The following NRXN3 variants were observed in gnomAD, a reference collection of about 807,000 sequenced individuals.
NRXN3 encodes the protein neurexin 3, also known as neurexin III.
In NRXN3, 32 loss-of-function variants were observed where a neutral mutation model predicts 137.6. The observed-to-expected ratio is 0.23, with a 90% confidence interval of 0.18 to 0.31. The LOEUF (loss-of-function observed/expected upper bound fraction) is 0.31, where lower values mean the gene tolerates loss of function less well. Among genes scored for constraint, NRXN3 ranks in the 10% least tolerant of loss-of-function variants. The pLI, the probability that NRXN3 is intolerant of heterozygous loss-of-function variation, is 1.00. For synonymous variants in NRXN3, 798 were observed against 784.5 expected, an observed-to-expected ratio of 1.02 and a Z score of -0.29; for missense variants, 1,574 against 2,062.5, an observed-to-expected ratio of 0.76 and a Z score of 4.59.
chr14:79,124,325 G>A (rs2056021807), intron 15 of NRXN3, among the ~76,000 whole-genome samples: 1 of 152,208 alleles, frequency 6.6e-6, no homozygotes, highest in South Asian at 2.1e-4. Flanking sequence ...GGAGACGAGA[G>A]AGGATAGGAA....
At chr14:79,801,546 G>GCACACACACACACACACACA (rs1207881557) in intron 19 of NRXN3, among the ~76,000 whole-genome samples, 5 of 151,292 alleles carry the variant, frequency 3.3e-5, no homozygotes, top group African/African-American at 1.2e-4. Flanking sequence ...TGACGTGTGT[G>GCACACACACACACACACACA]CACGCACACA....
chr14:79,561,449 CT>C (rs1290400884), intron 16 of NRXN3, among the ~76,000 whole-genome samples: 8 of 152,116 alleles, frequency 5.3e-5, no homozygotes, highest in Admixed American at 2.6e-4. Context: ...AAATCTGCCA[CT>C]TTTGTAGGTA....
rs189556091 is a variant in NRXN3 at position 79,604,765 on chromosome 14, C to T, written c.3445-59013C>T. 6.7e-3 allele frequency among the ~76,000 whole-genome samples: 1,014 copies of T among 152,196 alleles called. 14 individuals are homozygous for T. The highest frequency in any genetic ancestry group is 0.044 in the Middle Eastern group (13 of 294). On this transcript the variant is annotated intron_variant, in intron 16 of 20. Coordinates refer to ENST00000335750, the MANE Select transcript of NRXN3 (RefSeq NM_001330195.2). The stretch of plus-strand genomic sequence containing the variant: ...CATCATTCAGGGTTGGGTGTGGCGG[C>T]TCATGCCTATAATCCCAGCACTTTG...
At chr14:78,196,059 T>C (rs1353346217) in intron 1 of NRXN3, among the ~76,000 whole-genome samples, 1 of 152,194 alleles carries the variant, frequency 6.6e-6, no homozygotes, top group Non-Finnish European at 1.5e-5. Context: ...GATAGATTCG[T>C]TTCCCATGGG....
chr14:78,926,907 AT>A (rs1482784716), intron 10 of NRXN3, among the ~76,000 whole-genome samples: 1 of 34,602 alleles, frequency 2.9e-5, no homozygotes, highest in Non-Finnish European at 4.1e-5. Context: ...TATAATATAT[AT>A]AATATATATA....
At chr14:78,371,743 G>A (rs767068025) in intron 4 of NRXN3, among the ~76,000 whole-genome samples, 6 of 152,348 alleles carry the variant, frequency 3.9e-5, no homozygotes, top group Non-Finnish European at 2.9e-5. Context: ...CTGCTGTAGC[G>A]AAGTGGCGAG....
At chr14:79,003,916 G>A (rs1299681040) in intron 15 of NRXN3, among the ~76,000 whole-genome samples, 1 of 152,172 alleles carries the variant, frequency 6.6e-6, no homozygotes, top group African/African-American at 2.4e-5. Flanking sequence ...GAAGCTGATA[G>A]TATTGAAGGA....
chr14:78,321,715 G>A (rs2079392229), intron 4 of NRXN3, among the ~76,000 whole-genome samples: 2 of 152,020 alleles, frequency 1.3e-5, no homozygotes, highest in South Asian at 2.1e-4. Context: ...TCCTTTCACA[G>A]TTTTGAAGTT....
intron 2 of NRXN3, among the ~76,000 whole-genome samples, chr14:78,246,955 A>G (rs541916563): frequency 6.6e-6 from 1 of 152,192 alleles, no homozygotes; most frequent in Non-Finnish European, 1.5e-5. Context: ...TCTTGTCTCA[A>G]TTTGCAGTCT....
intron 19 of NRXN3, among the ~76,000 whole-genome samples, chr14:79,791,865 C>T (rs2099146435): frequency 6.6e-6 from 1 of 152,154 alleles, no homozygotes; most frequent in South Asian, 2.1e-4. Context: ...CTTGGTTAGG[C>T]CGGTCACATT....
At chr14:79,095,889 A>G (rs971534806) in intron 15 of NRXN3, among the ~76,000 whole-genome samples, 4 of 152,180 alleles carry the variant, frequency 2.6e-5, no homozygotes, top group African/African-American at 9.7e-5. Flanking sequence ...AAACCTATAT[A>G]TGAGTATTTT....
At chr14:78,184,324 A>G (rs761494628) in intron 1 of NRXN3, among the ~76,000 whole-genome samples, 1 of 152,232 alleles carries the variant, frequency 6.6e-6, no homozygotes, top group South Asian at 2.1e-4. Flanking sequence ...TCACATAAAG[A>G]TGCATCACGA....
intron 4 of NRXN3, among the ~76,000 whole-genome samples, chr14:78,585,387 G>C (rs2097052435): frequency 6.6e-6 from 1 of 152,102 alleles, no homozygotes; most frequent in Non-Finnish European, 1.5e-5. Context: ...GCTTCCAAGG[G>C]GCCAGAGAAT....
intron 15 of NRXN3, among the ~76,000 whole-genome samples, chr14:79,013,910 G>A (rs1292042053): frequency 2.0e-5 from 3 of 152,198 alleles, no homozygotes; most frequent in Admixed American, 6.5e-5. Flanking sequence ...GATAAAATGG[G>A]AAACAAAACA....
At chr14:79,555,134 C>T (rs771060371) in intron 16 of NRXN3, among the ~76,000 whole-genome samples, 5 of 152,104 alleles carry the variant, frequency 3.3e-5, no homozygotes, top group Non-Finnish European at 7.4e-5. Flanking sequence ...AAGCCTTCGC[C>T]AAGAGGTGAG....
intron 6 of NRXN3, among the ~76,000 whole-genome samples, chr14:78,704,066 G>A (rs1299852621): frequency 2.0e-5 from 3 of 152,192 alleles, no homozygotes; most frequent in African/African-American, 7.2e-5. Flanking sequence ...GAACAGAGTG[G>A]CCTGGGATAA....
intron 10 of NRXN3, among the ~76,000 whole-genome samples, chr14:78,900,912 A>G (rs2099193836): frequency 6.6e-6 from 1 of 152,018 alleles, no homozygotes; most frequent in African/African-American, 2.4e-5. Context: ...TGATGAGCCC[A>G]TTTGACAGAT....
At chr14:79,246,792 T>C (rs574059229) in intron 15 of NRXN3, 13 of 152,304 alleles carry the variant, frequency 8.5e-5, no homozygotes, top group African/African-American at 2.9e-4. Context: ...TAAAATTGAA[T>C]AGTGTAGATA....
chr14:79,481,172 A>T (rs1168908891), intron 16 of NRXN3, among the ~76,000 whole-genome samples: 1 of 152,188 alleles, frequency 6.6e-6, no homozygotes, highest in Non-Finnish European at 1.5e-5. Context: ...ACAAGCAATC[A>T]GAACTTCAAT....
Sources: allele counts gnomAD v4.1 joint callset (sites outside exome capture counted in the v4.1 genomes callset), GRCh38; gene constraint gnomAD v4.1.1; transcripts MANE v1.5; gene names NCBI Gene and HGNC (gene_info 2026-07-23, HGNC 2026-07-21).